The following KALRN variants were observed in gnomAD, a reference collection of about 807,000 sequenced individuals.
The protein encoded by KALRN is kalirin.
A neutral mutation model predicts 353.7 loss-of-function variants in KALRN; 70 were observed. The observed-to-expected ratio is 0.20, with a 90% CI of 0.16 to 0.24. The LOEUF (loss-of-function observed/expected upper bound fraction) is 0.24. KALRN is among the 10% of genes least tolerant of loss of function. The pLI, the probability that KALRN is intolerant of heterozygous loss-of-function variation, is 1.00. For synonymous variants in KALRN, 1,391 were observed against 1,434.8 expected (o/e 0.97, Z 0.69); for missense variants, 2,791 against 3,756.7 (o/e 0.74, Z 6.72).
intron 1 of KALRN, among the ~76,000 whole-genome samples, chr3:124,150,766 C>T (rs2067989912): frequency 6.6e-6 from 1 of 152,088 alleles, no homozygotes; most frequent in Non-Finnish European, 1.5e-5. Flanking sequence ...GTGTACAGCT[C>T]CACGGATTTT....
At chr3:124,576,022 T>C (rs2074055173) in intron 34 of KALRN, among the ~76,000 whole-genome samples, 3 of 151,916 alleles carry the variant, frequency 2.0e-5, no homozygotes, top group Admixed American at 2.0e-4. Flanking sequence ...AAGCCATGCA[T>C]ACGCTCACCT....
chr3:124,168,870 C>G (rs2071294053), intron 1 of KALRN, among the ~76,000 whole-genome samples: 1 of 152,164 alleles, frequency 6.6e-6, no homozygotes. Flanking sequence ...AACACTACCT[C>G]CAAGCACATG....
In KALRN at chr3:124,227,862, G is replaced by A. The variant is rs190453558; in HGVS notation, c.74-128G>A. The A allele has an allele frequency of 6.3e-4, 485 of 767,358 alleles. 2 individuals carry two copies. In the African/African-American group the frequency reaches 7.5e-3, roughly 12 times the overall value. 47.5% of individuals were successfully genotyped at this position (767,358 alleles called of 1,614,324 possible). A position where few individuals can be genotyped will look rare whatever the true frequency, so the allele number is the denominator to read the frequency against. ...AGACCCTCTCCTGGTCCATCGGGCTGGGCTGTAGGACCTGGACAAGGCAGG... is the reference window on the plus strand; with the variant it reads ...AGACCCTCTCCTGGTCCATCGGGCTAGGCTGTAGGACCTGGACAAGGCAGG... On this transcript the variant is annotated intron_variant, in intron 1 of 59. Transcript: ENST00000682506.
chr3:124,630,979 T>A (rs1273369757), intron 34 of KALRN, among the ~76,000 whole-genome samples: 1 of 152,174 alleles, frequency 6.6e-6, no homozygotes, highest in Non-Finnish European at 1.5e-5. Context: ...CCACTACAGC[T>A]GCTTTTTTCA....
chr3:124,269,243 G>T lies in KALRN; in HGVS notation c.957G>T (p.Gln319His), dbSNP rs768503730. 6.3e-7 allele frequency: 1 copy of T among 1,597,504 alleles called. No individual in the cohort carries two copies. The highest frequency in any genetic ancestry group is 1.1e-5 in the South Asian group (1 of 90,142). Residue 319 changes from glutamine to histidine, a missense_variant, in exon 5 of 60, where the codon CAG becomes CAT. Coordinates refer to ENST00000682506, the MANE Select transcript of KALRN (RefSeq NM_001388419.1). ...GCTTTCAGCTGCGGCTCTTCGAGCA[G>T]GATGCTGAGAAGGTAGGAAGGGAAC... ...DQCFQLRLFE[Q>H]DAEKMFDWIS...
chr3:124,706,814 C>A (rs2062640540), intron 57 of KALRN, among the ~76,000 whole-genome samples: 1 of 151,850 alleles, frequency 6.6e-6, no homozygotes, highest in Non-Finnish European at 1.5e-5. Context: ...AGGTGATCCG[C>A]CTGCCTCAGC....
At position 124,340,612 on chromosome 3, in the gene KALRN, G is replaced by A. The variant is rs574085165; in HGVS notation, c.1647+6117G>A. ...AGAGTGGTTTCCCATGAGCTCAGAT[G>A]CGTTCATGGCCACTATACAGAGATT... On this transcript the variant is annotated intron_variant, in intron 9 of 59. Transcript: ENST00000682506. Among the ~76,000 whole-genome samples the A allele has an allele frequency of 2.0e-5, 3 of 152,262 alleles. No individual in the cohort carries two copies. In the East Asian group the frequency reaches 5.8e-4, roughly 29 times the overall value.
At chr3:124,471,078 CAGGAGTGGGGAAG>C (rs2060840435) in intron 25 of KALRN, among the ~76,000 whole-genome samples, 3 of 151,970 alleles carry the variant, frequency 2.0e-5, no homozygotes, top group Admixed American at 2.0e-4. Flanking sequence ...TATAAGTCTC[CAGGAGTGGGGAAG>C]AGGGTCAGAT....
At position 124,677,704 on chromosome 3, in the gene KALRN, A is replaced by C. The variant is rs933440548; in HGVS notation, c.7194-486A>C. On this transcript the variant is annotated intron_variant, in intron 49 of 59. Coordinates refer to ENST00000682506, the MANE Select transcript of KALRN (RefSeq NM_001388419.1). ...TTGGGAGTGGCCCTGCCCAAATACA[A>C]ATCATGAGGTAGAACTCTCAATGTC... 7.2e-5 allele frequency: 31 copies of C among 429,684 alleles called. 1 individual carries two copies. Among genetic ancestry groups the C allele is most frequent in the South Asian group, 5.4e-4 (31 of 57,896 alleles). The allele number at this position is 429,684 out of a possible 1,614,324, so 26.6% of individuals were successfully genotyped here. A position where few individuals can be genotyped will look rare whatever the true frequency, so the allele number is the denominator to read the frequency against.
intron 33 of KALRN, among the ~76,000 whole-genome samples, chr3:124,506,182 C>T (rs1250301208): frequency 6.6e-6 from 1 of 152,240 alleles, no homozygotes; most frequent in Non-Finnish European, 1.5e-5. Flanking sequence ...GGGCACCTTG[C>T]CTCAGGCTTG....
chr3:124,093,996 G>GGAGA (rs2061277015), intron 1 of KALRN: 1 of 152,234 alleles, frequency 6.6e-6, no homozygotes, highest in Non-Finnish European at 1.5e-5. Context: ...GGGTTGAGAG[G>GGAGA]TAAGGGAGAA....
At chr3:124,558,628 A>G (rs2071568125) in intron 33 of KALRN, among the ~76,000 whole-genome samples, 1 of 152,182 alleles carries the variant, frequency 6.6e-6, no homozygotes, top group African/African-American at 2.4e-5. Context: ...TTAAGGCACT[A>G]TCCTAGGTGC....
At chr3:124,469,231 C>T (rs769896286) in intron 25 of KALRN, among the ~76,000 whole-genome samples, 14 of 152,182 alleles carry the variant, frequency 9.2e-5, no homozygotes, top group Non-Finnish European at 1.9e-4. Context: ...AATTTTGCTG[C>T]TTGTGGTTGG....
At chr3:124,583,344 A>T (rs1450981544) in intron 34 of KALRN, among the ~76,000 whole-genome samples, 1 of 135,058 alleles carries the variant, frequency 7.4e-6, no homozygotes, top group African/African-American at 2.7e-5. Context: ...TGGGAGAGAC[A>T]CCCTGTGAGT....
At chr3:124,210,417 A>AGAACC (rs1166276999) in intron 1 of KALRN, among the ~76,000 whole-genome samples, 5 of 152,248 alleles carry the variant, frequency 3.3e-5, no homozygotes, top group African/African-American at 1.2e-4. Context: ...CAATTCACTA[A>AGAACC]ATATGGTATT....
At chr3:124,519,921 C>T in intron 33 of KALRN, 2 of 968,608 alleles carry the variant, frequency 2.1e-6, no homozygotes, top group Non-Finnish European at 2.5e-6. Flanking sequence ...CTGCCAAGAA[C>T]CCTTCCCATC....
chr3:124,652,109 T>C (rs965365199), intron 38 of KALRN, among the ~76,000 whole-genome samples: 8 of 152,242 alleles, frequency 5.3e-5, no homozygotes, highest in Non-Finnish European at 8.8e-5. Flanking sequence ...CTCAAATTCA[T>C]CACTCCTTTA....
chr3:124,065,439 G>C (rs2042272590), intron 1 of KALRN, among the ~76,000 whole-genome samples: 1 of 152,112 alleles, frequency 6.6e-6, no homozygotes, highest in South Asian at 2.1e-4. Flanking sequence ...GTAGCTGAGT[G>C]CCCTCATATT....
chr3:124,229,804 A>T (rs1579712828), intron 2 of KALRN, among the ~76,000 whole-genome samples: 1 of 152,254 alleles, frequency 6.6e-6, no homozygotes, highest in African/African-American at 2.4e-5. Context: ...TGTTAGCAGT[A>T]GTAGCAATAG....
Sources: gnomAD v4.1 joint callset for allele counts (sites outside exome capture counted in the v4.1 genomes callset) on GRCh38, gnomAD v4.1.1 for gene constraint, MANE v1.5 for transcripts, NCBI Gene and HGNC (gene_info 2026-07-23, HGNC 2026-07-21) for gene names.